The following DGKI variants were observed in gnomAD, a reference collection of about 807,000 sequenced individuals.
DGKI encodes DAG kinase iota.
A neutral mutation model predicts 147.5 loss-of-function variants in DGKI; 55 were observed. That is an observed-to-expected ratio of 0.37 (90% CI 0.30 to 0.47). DGKI has a LOEUF of 0.47. Among genes scored for constraint, DGKI ranks in the 20% least tolerant of loss-of-function variants. DGKI has a pLI of 1.00. For missense variants in DGKI, 1,007 were observed against 1,323.8 expected (o/e 0.76, Z 3.71); for synonymous variants, 469 against 477.1 (o/e 0.98, Z 0.22).
At chr7:137,425,282 C>A (rs1439113856) in intron 28 of DGKI, among the ~76,000 whole-genome samples, 1 of 152,338 alleles carries the variant, frequency 6.6e-6, no homozygotes, top group Admixed American at 6.5e-5. Context: ...GATACCCAGG[C>A]AAACAGGGTC....
chr7:137,822,710 A>C (rs1797940576), intron 1 of DGKI, among the ~76,000 whole-genome samples: 2 of 152,016 alleles, frequency 1.3e-5, no homozygotes, highest in Admixed American at 6.6e-5. Flanking sequence ...AAGAAAACAG[A>C]ATTAATGTAG....
chr7:137,400,669 C>T (rs1337677195), intron 30 of DGKI, among the ~76,000 whole-genome samples: 3 of 152,178 alleles, frequency 2.0e-5, no homozygotes, highest in African/African-American at 4.8e-5. Flanking sequence ...CCCTCCACGC[C>T]CTTTCATCCT....
At chr7:137,488,437 C>G (rs1815645894) in intron 21 of DGKI, among the ~76,000 whole-genome samples, 1 of 152,106 alleles carries the variant, frequency 6.6e-6, no homozygotes, top group African/African-American at 2.4e-5. Flanking sequence ...CAAACACACA[C>G]AGTGGCTTTA....
At chr7:137,555,497 G>A (rs1818195136) in intron 19 of DGKI, among the ~76,000 whole-genome samples, 1 of 151,986 alleles carries the variant, frequency 6.6e-6, no homozygotes, top group Admixed American at 6.6e-5. Context: ...CTGCACTCCA[G>A]CCTGGCAATA....
rs1811056553 is a variant in DGKI, at chr7:137,381,348, G to T, written c.*9872C>A. 8.2e-6 allele frequency: 1 copy of T among 121,646 alleles called. No individual in the cohort carries two copies. The highest frequency in any genetic ancestry group is 3.2e-5 in the African/African-American group (1 of 30,822). The allele number at this position is 121,646 out of a possible 1,614,324, so 7.5% of individuals were successfully genotyped here. On this transcript the variant is annotated 3_prime_UTR_variant, in exon 33 of 33. Transcript: ENST00000614521. ...TATTATCTGAATCCTCCTTTACCTG[G>T]AAATAAAACTTTAATCTTTCTACTG...
intron 6 of DGKI, among the ~76,000 whole-genome samples, chr7:137,638,613 C>CATATGTATATATGTGTAT (rs1554446609): frequency 0.03 from 465 of 15,742 alleles, 129 homozygotes; most frequent in African/African-American, 0.17. Flanking sequence ...TATATATATA[C>CATATGTATATATGTGTAT]ACACACACAT....
rs753629240 is a variant in DGKI at position 137,723,786 on chromosome 7, T to G, written c.402-33784A>C. ...GTACAATGGTGCAATCTTGGCTCAC[T>G]GCAAACTCCGCCTCCTGGGCTCAAG... On this transcript the variant is annotated intron_variant, in intron 1 of 32. Transcript: ENST00000614521. Among the ~76,000 whole-genome samples the G allele has an allele frequency of 4.5e-4, 63 of 139,794 alleles. No homozygotes were observed. In the Middle Eastern group the frequency reaches 0.015, roughly 33 times the overall value. The allele number at this position is 139,794 out of a possible 152,430, so 91.7% of individuals were successfully genotyped here. A position where few individuals can be genotyped will look rare whatever the true frequency, so the allele number is the denominator to read the frequency against.
At chr7:137,490,483 A>G (rs1815724591) in intron 21 of DGKI, among the ~76,000 whole-genome samples, 1 of 152,214 alleles carries the variant, frequency 6.6e-6, no homozygotes, top group Non-Finnish European at 1.5e-5. Flanking sequence ...CTTTTAATTT[A>G]GCATAGTACT....
chr7:137,424,824 C>T (rs1446505030), intron 28 of DGKI, among the ~76,000 whole-genome samples: 3 of 152,166 alleles, frequency 2.0e-5, no homozygotes, highest in South Asian at 2.1e-4. Context: ...AAGGTGGGAG[C>T]GAGACTGGGG....
chr7:137,814,787 G>A (rs1797692220), intron 1 of DGKI, among the ~76,000 whole-genome samples: 1 of 152,116 alleles, frequency 6.6e-6, no homozygotes, highest in African/African-American at 2.4e-5. Context: ...AGGAATATGA[G>A]CCTATAAATA....
At chr7:137,599,707 G>T in intron 11 of DGKI, 116 bp downstream of exon 11, 1 of 857,970 alleles carries the variant, frequency 1.2e-6, no homozygotes. Context: ...GAGTACAGGT[G>T]AGAAGGTAGA....
intron 20 of DGKI, among the ~76,000 whole-genome samples, chr7:137,527,666 T>C (rs1228308055): frequency 1.3e-5 from 2 of 152,134 alleles, no homozygotes; most frequent in East Asian, 1.9e-4. Flanking sequence ...TGTAGAAACA[T>C]TGATTTTTAT....
intron 12 of DGKI, among the ~76,000 whole-genome samples, chr7:137,595,845 T>C (rs1445107954): frequency 6.7e-6 from 1 of 149,756 alleles, no homozygotes; most frequent in Non-Finnish European, 1.5e-5. Flanking sequence ...CTACTAAAAA[T>C]ACAAAAATTA....
At chr7:137,438,793 A>G (rs894424417) in intron 28 of DGKI, among the ~76,000 whole-genome samples, 9 of 152,196 alleles carry the variant, frequency 5.9e-5, no homozygotes, top group African/African-American at 2.2e-4. Flanking sequence ...ATCCATAAGG[A>G]TGAATCACAA....
chr7:137,715,265 T>C (rs1794342148), intron 1 of DGKI, among the ~76,000 whole-genome samples: 1 of 152,188 alleles, frequency 6.6e-6, no homozygotes. Context: ...CACAGTGAGA[T>C]CAACTCTTCT....
At chr7:137,591,227 G>C (rs1819598209) in intron 12 of DGKI, among the ~76,000 whole-genome samples, 1 of 152,190 alleles carries the variant, frequency 6.6e-6, no homozygotes, top group Non-Finnish European at 1.5e-5. Flanking sequence ...CAATCAATTT[G>C]CTTTATGAAC....
intron 5 of DGKI, 134 bp downstream of exon 5, chr7:137,654,598 A>G: frequency 1.4e-6 from 1 of 690,742 alleles, no homozygotes; most frequent in South Asian, 1.6e-5. Context: ...GTGCTTATTG[A>G]TGTGTTAACA....
At chr7:137,433,847 G>A (rs1453900083) in intron 28 of DGKI, among the ~76,000 whole-genome samples, 3 of 152,326 alleles carry the variant, frequency 2.0e-5, no homozygotes, top group Non-Finnish European at 4.4e-5. Context: ...GCCGGGCGTG[G>A]TGGCTCACGC....
intron 1 of DGKI, among the ~76,000 whole-genome samples, chr7:137,777,810 T>C (rs921781041): frequency 2.0e-5 from 3 of 152,232 alleles, no homozygotes; most frequent in Non-Finnish European, 4.4e-5. Context: ...GTTCTAACTT[T>C]ACCTTGTTAA....
Sources: allele counts gnomAD v4.1 joint callset (sites outside exome capture counted in the v4.1 genomes callset), GRCh38; gene constraint gnomAD v4.1.1; transcripts MANE v1.5; gene names NCBI Gene and HGNC (gene_info 2026-07-23, HGNC 2026-07-21).